The following TACR1 variants were observed in gnomAD, a reference collection of about 807,000 sequenced individuals.
The protein encoded by TACR1 is substance-P receptor.
In TACR1, 25 loss-of-function variants were observed where a neutral mutation model predicts 35.8. That is an observed-to-expected ratio of 0.70 (90% CI 0.51 to 0.98). TACR1 has a LOEUF of 0.98. TACR1 is among the 50% of genes least tolerant of loss of function. TACR1 has a pLI of 0.00. For missense variants in TACR1, 478 were observed against 522.9 expected (o/e 0.91, Z 0.84); for synonymous variants, 195 against 206.7 (o/e 0.94, Z 0.48).
At chr2:75,116,014 G>A (rs1572939265) in intron 2 of TACR1, among the ~76,000 whole-genome samples, 1 of 151,686 alleles carries the variant, frequency 6.6e-6, no homozygotes, top group African/African-American at 2.4e-5. Context: ...TGCATAATAG[G>A]CTATATTTTG....
At chr2:75,132,544 CAT>C (rs1327699008) in intron 1 of TACR1, among the ~76,000 whole-genome samples, 2 of 152,268 alleles carry the variant, frequency 1.3e-5, no homozygotes, top group East Asian at 3.9e-4. Context: ...ACATAATAAA[CAT>C]AATTTATATT....
intron 2 of TACR1, among the ~76,000 whole-genome samples, chr2:75,059,795 A>G (rs925517462): frequency 4.6e-5 from 7 of 152,180 alleles, no homozygotes; most frequent in African/African-American, 1.4e-4. Flanking sequence ...CTCATTTGAT[A>G]CAAGCTGAGC....
chr2:75,104,751 G>A (rs191471341), intron 2 of TACR1, among the ~76,000 whole-genome samples: 4 of 151,902 alleles, frequency 2.6e-5, no homozygotes, highest in Non-Finnish European at 2.9e-5. Flanking sequence ...CTCAAAATAC[G>A]ACATACAAAT....
chr2:75,113,487 C>T (rs1255544127), intron 2 of TACR1, among the ~76,000 whole-genome samples: 2 of 150,094 alleles, frequency 1.3e-5, no homozygotes, highest in Admixed American at 1.3e-4. Flanking sequence ...TGGCAACCTT[C>T]CTAGTTTCTG....
At chr2:75,125,572 C>T (rs1251397260) in intron 1 of TACR1, among the ~76,000 whole-genome samples, 1 of 152,160 alleles carries the variant, frequency 6.6e-6, no homozygotes, top group Non-Finnish European at 1.5e-5. Flanking sequence ...GTAGTAAATA[C>T]TCATTGAAAG....
intron 1 of TACR1, chr2:75,154,410 G>GCGCGCACA (rs1166779798): frequency 1.3e-5 from 1 of 75,364 alleles, no homozygotes; most frequent in African/African-American, 4.9e-5. Context: ...GAGCGCGCAC[G>GCGCGCACA]CACACACACA....
In TACR1 at chr2:75,053,714, AG is replaced by A; in HGVS notation, c.625del (p.Leu209CysfsTer3). 6.2e-7 allele frequency: 1 copy of A among 1,614,164 alleles called. No individual in the cohort carries two copies. The highest frequency in any genetic ancestry group is 8.5e-7 in the Non-Finnish European group (1 of 1,180,010). ...CVTVLIYFLPLLVIGYAYTVV... is the reference protein window; with the variant it reads ...CVTVLIYFLPXLVIGYAYTVV... Reference sequence around the variant, plus strand: ...GGTGTATGCATAGCCAATCACCAGCAGGGGGAGGAAGTAGATCAGCACAGTC... The same window carrying A: ...GGTGTATGCATAGCCAATCACCAGCAGGGGAGGAAGTAGATCAGCACAGTC... On this transcript the variant is annotated frameshift_variant, in exon 3 of 5. Transcript: ENST00000305249. LOFTEE classifies it high-confidence loss of function.
At chr2:75,062,946 A>G (rs570869973) in intron 2 of TACR1, among the ~76,000 whole-genome samples, 97 of 152,354 alleles carry the variant, frequency 6.4e-4, no homozygotes, top group Non-Finnish European at 1.1e-3. Context: ...CAATTTCCAA[A>G]ATAAAGAGTT....
rs72920637 is a variant in TACR1 at position 75,152,269 on chromosome 2, C to T, written c.390-31501G>A. 6.2e-3 allele frequency among the ~76,000 whole-genome samples: 950 copies of T among 152,246 alleles called. 10 individuals are homozygous for T. The highest frequency in any genetic ancestry group is 0.022 in the African/African-American group (902 of 41,536). Reference sequence around the variant, plus strand: ...ATGATATGGTTTGGCTGTTTCCCTACCCAAACCTCAATTTGATTTGTATCT... The same window carrying T: ...ATGATATGGTTTGGCTGTTTCCCTATCCAAACCTCAATTTGATTTGTATCT... On this transcript the variant is annotated intron_variant, in intron 1 of 4. Transcript: ENST00000305249.
intron 1 of TACR1, among the ~76,000 whole-genome samples, chr2:75,143,176 T>TG (rs1414387777): frequency 7.9e-5 from 12 of 152,258 alleles, no homozygotes; most frequent in African/African-American, 2.9e-4. Context: ...TAGTCTGAGG[T>TG]GCAAGCGAGG....
At chr2:75,148,098 C>G (rs188614420) in intron 1 of TACR1, among the ~76,000 whole-genome samples, 3 of 152,136 alleles carry the variant, frequency 2.0e-5, no homozygotes, top group Admixed American at 2.0e-4. Flanking sequence ...TATGTACCAC[C>G]GTTTTTTAAT....
intron 1 of TACR1, among the ~76,000 whole-genome samples, chr2:75,180,928 A>T (rs977740008): frequency 6.6e-6 from 1 of 152,212 alleles, no homozygotes; most frequent in South Asian, 2.1e-4. Context: ...GACATTTTAC[A>T]GTGAATATGT....
chr2:75,131,238 G>A (rs557339751), intron 1 of TACR1, among the ~76,000 whole-genome samples: 175 of 151,978 alleles, frequency 1.2e-3, no homozygotes, highest in African/African-American at 4.0e-3. Context: ...ACAGGTGCCC[G>A]CCACCATGCT....
chr2:75,169,112 A>C (rs1675215496), intron 1 of TACR1, among the ~76,000 whole-genome samples: 1 of 152,114 alleles, frequency 6.6e-6, no homozygotes, highest in South Asian at 2.1e-4. Context: ...CTTTCTGAAA[A>C]GTATTATTGT....
chr2:75,071,645 A>G (rs1672885576), intron 2 of TACR1, among the ~76,000 whole-genome samples: 1 of 152,244 alleles, frequency 6.6e-6, no homozygotes, highest in South Asian at 2.1e-4. Flanking sequence ...CCCTGCTCTG[A>G]TCATTGATAC....
intron 2 of TACR1, among the ~76,000 whole-genome samples, chr2:75,061,714 G>T (rs778382217): frequency 9.9e-5 from 15 of 152,148 alleles, no homozygotes; most frequent in Non-Finnish European, 1.8e-4. Flanking sequence ...ATGCTCAAGC[G>T]CATGCACTTA....
At chr2:75,080,793 C>G (rs1327127037) in intron 2 of TACR1, among the ~76,000 whole-genome samples, 4 of 152,112 alleles carry the variant, frequency 2.6e-5, no homozygotes, top group African/African-American at 9.7e-5. Context: ...AAAAAATGCA[C>G]CCAAATATTA....
chr2:75,059,952 T>C (rs978448771), intron 2 of TACR1, among the ~76,000 whole-genome samples: 6 of 152,246 alleles, frequency 3.9e-5, no homozygotes, highest in Admixed American at 3.9e-4. Context: ...GCAATACTCA[T>C]GTATTTATTG....
intron 1 of TACR1, among the ~76,000 whole-genome samples, chr2:75,183,163 G>T (rs955258819): frequency 6.6e-6 from 1 of 152,116 alleles, no homozygotes; most frequent in Non-Finnish European, 1.5e-5. Context: ...AAAAGAAAAT[G>T]TGCCAAACTT....
Sources: allele counts gnomAD v4.1 joint callset (sites outside exome capture counted in the v4.1 genomes callset), GRCh38; gene constraint gnomAD v4.1.1; transcripts MANE v1.5; gene names NCBI Gene and HGNC (gene_info 2026-07-23, HGNC 2026-07-21).